LRIF1: variants seen among roughly 807,000 people sequenced by gnomAD.
LRIF1 encodes ligand dependent nuclear receptor interacting factor 1, also known as ligand-dependent nuclear receptor-interacting factor 1.
Under a neutral mutation model 52.7 loss-of-function variants are expected in LRIF1, and 32 were observed. The ratio of observed to expected loss-of-function variants is 0.61; its 90% CI spans 0.46 to 0.82. The LOEUF is 0.82. LRIF1 is among the 40% of genes least tolerant of loss of function. LRIF1 has a pLI of 0.00. For synonymous variants in LRIF1, 323 were observed against 317.4 expected (o/e 1.02, Z -0.19); for missense variants, 887 against 892.0 (o/e 0.99, Z 0.07).
the LRIF1 span, among the ~76,000 whole-genome samples, chr1:110,901,199 C>T: frequency 6.6e-6 from 1 of 151,230 alleles, no homozygotes; most frequent in African/African-American, 2.4e-5. Context: ...TTTTCTGAGA[C>T]AGTTTTTTGC....
the LRIF1 span, among the ~76,000 whole-genome samples, chr1:110,914,833 C>A: frequency 1.3e-5 from 2 of 152,120 alleles, no homozygotes; most frequent in Non-Finnish European, 2.9e-5. Flanking sequence ...GGATATGGAG[C>A]CTCAGGAAAC....
chr1:110,922,319 T>C, the LRIF1 span, among the ~76,000 whole-genome samples: 1 of 152,216 alleles, frequency 6.6e-6, no homozygotes, highest in African/African-American at 2.4e-5. Flanking sequence ...TTACAAAGGA[T>C]GAGTTCAGCC....
the LRIF1 span, among the ~76,000 whole-genome samples, chr1:110,910,758 T>TAAAG: frequency 6.6e-6 from 1 of 152,168 alleles, no homozygotes; most frequent in African/African-American, 2.4e-5. Context: ...ACTTTTGGGG[T>TAAAG]AAAGAATCAA....
chr1:110,944,800 G>A (rs1658164515), downstream of LRIF1: 2 of 151,228 alleles, frequency 1.3e-5, no homozygotes, highest in Non-Finnish European at 2.9e-5. Context: ...TACTGCTTTA[G>A]AAAAACCAGT....
chr1:110,959,092 C>T (rs192096744), intron 1 of LRIF1, among the ~76,000 whole-genome samples: 1 of 152,248 alleles, frequency 6.6e-6, no homozygotes, highest in East Asian at 1.9e-4. Context: ...AAAACTAGAA[C>T]CAGATTCTGC....
chr1:110,876,815 ATAT>A, the LRIF1 span, among the ~76,000 whole-genome samples: 1 of 152,190 alleles, frequency 6.6e-6, no homozygotes, highest in Non-Finnish European at 1.5e-5. Context: ...GGTTGAAAAA[ATAT>A]TATGAAAAAT....
chr1:110,879,838 G>C, the LRIF1 span, among the ~76,000 whole-genome samples: 4 of 152,108 alleles, frequency 2.6e-5, no homozygotes, highest in Non-Finnish European at 5.9e-5. Context: ...AAATGGCTGG[G>C]ATTACAGGTG....
At chr1:110,924,191 C>A in the LRIF1 span, among the ~76,000 whole-genome samples, 1 of 152,074 alleles carries the variant, frequency 6.6e-6, no homozygotes, top group African/African-American at 2.4e-5. Context: ...CATGACTAGT[C>A]CAATAGCCAT....
At chr1:110,932,187 C>G in the LRIF1 span, among the ~76,000 whole-genome samples, 1 of 152,186 alleles carries the variant, frequency 6.6e-6, no homozygotes, top group Non-Finnish European at 1.5e-5. Flanking sequence ...GATCCAGTTT[C>G]AGCTTTCTAC....
rs1658295375 is a variant in LRIF1 at position 110,948,264 on chromosome 1, T to C, written c.2005A>G (p.Ile669Val). 6.2e-7 allele frequency: 1 copy of C among 1,614,136 alleles called. No homozygotes were observed. The highest frequency in any genetic ancestry group is 8.5e-7 in the Non-Finnish European group (1 of 1,180,006). The change falls in exon 4 of 4, where the codon ATT becomes GTT. Residue 669 changes from isoleucine (I) to valine (V), a missense_variant. By Grantham distance (29) the Ile-to-Val change is conservative. Transcript: ENST00000369763. ...TGTGACACATCTGAAGTTGGTAAAA[T>C]ACTGCTTAGGAGTTGGGAACCGGTG... ...NVTGSQLLSS[I>V]LPTSDVSQHN...
chr1:110,914,148 T>C, the LRIF1 span, among the ~76,000 whole-genome samples: 1 of 152,054 alleles, frequency 6.6e-6, no homozygotes, highest in Non-Finnish European at 1.5e-5. Flanking sequence ...CGTGGTTACT[T>C]GAGGGTGAAG....
chr1:110,898,089 A>T, the LRIF1 span, among the ~76,000 whole-genome samples: 1 of 152,184 alleles, frequency 6.6e-6, no homozygotes, highest in East Asian at 1.9e-4. Flanking sequence ...CTATAAGAAC[A>T]TCTCTTGGCC....
intron 1 of LRIF1, chr1:110,963,376 T>C (rs1570953487): frequency 3.1e-6 from 1 of 324,350 alleles, no homozygotes; most frequent in Admixed American, 4.2e-5. Flanking sequence ...GGTCCGCCTA[T>C]TAAACTTGAG....
Position 110,949,989 on chromosome 1 carries a change from A to G in LRIF1, c.1731T>C (p.Thr577=), listed in dbSNP as rs1022536403. The change falls in exon 3 of 4, where the codon ACT becomes ACC. Residue 577 remains threonine, a synonymous_variant. Transcript: ENST00000369763. ...GAGTAAGGCACACTCTCAAATCCTT[A>G]GTAAGGCCAAATATCTTTTTAAATT... ...DAEFKKIFGL[T]KDLRVCLTRI... The G allele has an allele frequency of 4.3e-6, 7 of 1,614,022 alleles. No homozygotes were observed. The highest frequency in any genetic ancestry group is 4.5e-5 in the East Asian group (2 of 44,876).
At chr1:110,883,693 A>T in the LRIF1 span, among the ~76,000 whole-genome samples, 700 of 152,108 alleles carry the variant, frequency 4.6e-3, 5 homozygotes, top group African/African-American at 0.016. Flanking sequence ...CTTTATGGGA[A>T]GACTTTTAAA....
the LRIF1 span, among the ~76,000 whole-genome samples, chr1:110,932,101 G>A: frequency 7.9e-5 from 12 of 152,230 alleles, no homozygotes; most frequent in African/African-American, 2.9e-4. Flanking sequence ...TTCTTCTAGG[G>A]TTTTTATGGT....
chr1:110,939,118 CCTGT>C, the LRIF1 span: 6 of 152,170 alleles, frequency 3.9e-5, no homozygotes, highest in East Asian at 1.2e-3. Flanking sequence ...CTGGCTCACG[CCTGT>C]AATCCTAGCA....
chr1:110,896,844 T>G, the LRIF1 span: 1 of 919,238 alleles, frequency 1.1e-6, no homozygotes. Flanking sequence ...ACAGGGGACC[T>G]TGAATAAAAG....
At chr1:110,961,164 C>G (rs1041012005) in intron 1 of LRIF1, among the ~76,000 whole-genome samples, 1 of 152,194 alleles carries the variant, frequency 6.6e-6, no homozygotes, top group African/African-American at 2.4e-5. Context: ...AATCTTTCTT[C>G]CAACTCCCTT....
Sources: gnomAD v4.1 joint callset for allele counts (sites outside exome capture counted in the v4.1 genomes callset) on GRCh38, gnomAD v4.1.1 for gene constraint, MANE v1.5 for transcripts, NCBI Gene and HGNC (gene_info 2026-07-23, HGNC 2026-07-21) for gene names.